The following SCLT1 variants were observed in gnomAD, a reference collection of about 807,000 sequenced individuals.
The protein encoded by SCLT1 is sodium channel-associated protein 1.
A neutral mutation model predicts 112.8 loss-of-function variants in SCLT1; 78 were observed. That is an observed-to-expected ratio of 0.69 (90% CI 0.58 to 0.83). SCLT1 has a LOEUF of 0.83. SCLT1 is among the 40% of genes least tolerant of loss of function. The pLI, the probability that SCLT1 is intolerant of heterozygous loss-of-function variation, is 0.00. For synonymous variants in SCLT1, 257 were observed against 254.7 expected (o/e 1.01, Z -0.09); for missense variants, 747 against 770.4 (o/e 0.97, Z 0.36).
At chr4:129,064,113 ATTCTT>A (rs1199842621) in intron 2 of SCLT1, among the ~76,000 whole-genome samples, 1 of 152,188 alleles carries the variant, frequency 6.6e-6, no homozygotes. Flanking sequence ...GATAACACTT[ATTCTT>A]TTATCTAGCT....
chr4:129,005,931 C>T (rs576601888), intron 5 of SCLT1, among the ~76,000 whole-genome samples: 3 of 149,386 alleles, frequency 2.0e-5, no homozygotes, highest in Non-Finnish European at 3.0e-5. Flanking sequence ...AAACCAAACA[C>T]CGCATATTCT....
chr4:129,014,562 G>T (rs1349361003), intron 5 of SCLT1, among the ~76,000 whole-genome samples: 1 of 152,126 alleles, frequency 6.6e-6, no homozygotes, highest in Non-Finnish European at 1.5e-5. Context: ...CTTCATTTCT[G>T]AAAGACATTA....
At chr4:128,924,930 T>G (rs1475717798) in intron 18 of SCLT1, among the ~76,000 whole-genome samples, 10 of 152,170 alleles carry the variant, frequency 6.6e-5, no homozygotes, top group Non-Finnish European at 1.5e-5. Context: ...TTTTACTTTC[T>G]CTCTTTCAAC....
In SCLT1 at chr4:128,999,873, T is replaced by C. The variant is rs114074964; in HGVS notation, c.427-79A>G. ...AGTACAAATGGATCATTTTCTTTTATAGAATAAGTTCTTATAAAGTCATAA... is the reference window on the plus strand; with the variant it reads ...AGTACAAATGGATCATTTTCTTTTACAGAATAAGTTCTTATAAAGTCATAA... On this transcript the variant is annotated intron_variant, in intron 6 of 20. Transcript: ENST00000281142. 2.4e-3 allele frequency: 2,144 copies of C among 884,852 alleles called. 15 individuals carry two copies. In the African/African-American group the frequency reaches 0.026, roughly 11 times the overall value. 54.8% of individuals were successfully genotyped at this position (884,852 alleles called of 1,614,324 possible). A position where few individuals can be genotyped will look rare whatever the true frequency, so the allele number is the denominator to read the frequency against.
intron 5 of SCLT1, among the ~76,000 whole-genome samples, chr4:129,035,218 A>G (rs1335544536): frequency 6.6e-6 from 1 of 152,146 alleles, no homozygotes; most frequent in East Asian, 1.9e-4. Context: ...TCATGTGCTG[A>G]TATCTACAAT....
At chr4:129,021,908 T>C (rs1015231368) in intron 5 of SCLT1, among the ~76,000 whole-genome samples, 2 of 152,050 alleles carry the variant, frequency 1.3e-5, no homozygotes, top group East Asian at 3.9e-4. Context: ...AGACATCTCA[T>C]ATAGGAGAGC....
At chr4:129,064,101 T>A (rs1750252265) in intron 2 of SCLT1, among the ~76,000 whole-genome samples, 1 of 152,220 alleles carries the variant, frequency 6.6e-6, no homozygotes, top group Non-Finnish European at 1.5e-5. Context: ...GAGATGACAG[T>A]AGATAACACT....
chr4:128,897,911 C>T (rs918524671), intron 18 of SCLT1, among the ~76,000 whole-genome samples: 5 of 152,018 alleles, frequency 3.3e-5, no homozygotes, highest in Non-Finnish European at 7.4e-5. Flanking sequence ...CAACAAAGAT[C>T]AAAAGAGACA....
chr4:129,005,555 T>C (rs1016101655), intron 5 of SCLT1, among the ~76,000 whole-genome samples: 1 of 152,164 alleles, frequency 6.6e-6, no homozygotes, highest in Non-Finnish European at 1.5e-5. Context: ...GGAACACCTT[T>C]ACACTGTTGG....
chr4:129,063,780 C>T (rs1196215330), intron 2 of SCLT1, among the ~76,000 whole-genome samples: 2 of 152,116 alleles, frequency 1.3e-5, no homozygotes, highest in Non-Finnish European at 2.9e-5. Flanking sequence ...CCTAGTCTCT[C>T]CTAGACACTT....
intron 9 of SCLT1, among the ~76,000 whole-genome samples, chr4:128,988,218 C>T (rs1420456371): frequency 6.6e-6 from 1 of 151,948 alleles, no homozygotes; most frequent in Non-Finnish European, 1.5e-5. Context: ...GGTGTATAAA[C>T]CACTAATACC....
chr4:128,935,369 G>A (rs1056841895), intron 18 of SCLT1, among the ~76,000 whole-genome samples: 3 of 151,886 alleles, frequency 2.0e-5, no homozygotes, highest in Admixed American at 6.6e-5. Context: ...CAAATTAGAA[G>A]GTCCATTCTC....
chr4:128,926,713 CTTTG>C (rs995895119), intron 18 of SCLT1, among the ~76,000 whole-genome samples: 1 of 151,834 alleles, frequency 6.6e-6, no homozygotes, highest in African/African-American at 2.4e-5. Context: ...ATATTTATTA[CTTTG>C]TTTTACATTT....
chr4:128,985,640 C>T (rs940188795), intron 9 of SCLT1, among the ~76,000 whole-genome samples: 8 of 152,136 alleles, frequency 5.3e-5, no homozygotes, highest in African/African-American at 1.9e-4. Context: ...TTTCATTTGA[C>T]TTATATTGTT....
At chr4:129,090,042 T>C (rs566837012) in intron 1 of SCLT1, among the ~76,000 whole-genome samples, 1 of 152,172 alleles carries the variant, frequency 6.6e-6, no homozygotes, top group South Asian at 2.1e-4. Flanking sequence ...TTCTACATAC[T>C]AGCAACGAAA....
At chr4:128,912,647 T>C (rs960321762) in intron 18 of SCLT1, among the ~76,000 whole-genome samples, 2 of 152,066 alleles carry the variant, frequency 1.3e-5, no homozygotes, top group Non-Finnish European at 2.9e-5. Flanking sequence ...TTTGTGCAAG[T>C]AAAAGTAAGT....
intron 5 of SCLT1, among the ~76,000 whole-genome samples, chr4:129,034,570 C>CTA (rs71589021): frequency 0.11 from 15,299 of 143,742 alleles, 868 homozygotes; most frequent in South Asian, 0.16. Flanking sequence ...TGTTCTAAAG[C>CTA]TATATATATA....
chr4:129,089,822 G>A (rs1433648335), intron 1 of SCLT1, among the ~76,000 whole-genome samples: 6 of 151,890 alleles, frequency 4.0e-5, no homozygotes, highest in African/African-American at 1.2e-4. Context: ...AGGAGAACAC[G>A]TGGACACAGG....
rs140914500 is a variant in SCLT1, at chr4:129,010,977, G to C, written c.291-7101C>G. On this transcript the variant is annotated intron_variant, in intron 5 of 20. Coordinates refer to ENST00000281142, the MANE Select transcript of SCLT1 (RefSeq NM_144643.4). ...TATGTCAAATAGGAGTGGCGAGAAA[G>C]GGCATCCTTGTCTTGTGCCAGTTTT... Among the ~76,000 whole-genome samples the C allele has an allele frequency of 1.6e-3, 251 of 152,308 alleles. 2 individuals carry two copies. The highest frequency in any genetic ancestry group is 0.014 in the East Asian group (71 of 5,180).
Sources: allele counts gnomAD v4.1 joint callset (sites outside exome capture counted in the v4.1 genomes callset), GRCh38; gene constraint gnomAD v4.1.1; transcripts MANE v1.5; gene names NCBI Gene and HGNC (gene_info 2026-07-23, HGNC 2026-07-21).